Variants in ARK2C observed in about 807,000 individuals in gnomAD.
ARK2C encodes the protein E3 ubiquitin-protein ligase ARK2C.
the ARK2C span, among the ~76,000 whole-genome samples, chr18:46,397,420 G>C: frequency 1.4e-5 from 2 of 145,886 alleles, no homozygotes; most frequent in Admixed American, 6.8e-5. Flanking sequence ...TGTGCATGTG[G>C]TGTGTGTGTG....
At chr18:46,458,594 C>T in the ARK2C span, 34,861 of 152,472 alleles carry the variant, frequency 0.23, 5,017 homozygotes, top group East Asian at 0.75. Flanking sequence ...AAGTAACAGG[C>T]GGGCAGATTT....
chr18:46,345,732 A>G, the ARK2C span, among the ~76,000 whole-genome samples: 1 of 152,230 alleles, frequency 6.6e-6, no homozygotes, highest in Non-Finnish European at 1.5e-5. Flanking sequence ...TCTATTTGCA[A>G]ATTTTACATA....
the ARK2C span, among the ~76,000 whole-genome samples, chr18:46,378,752 G>A: frequency 3.3e-5 from 5 of 152,324 alleles, no homozygotes; most frequent in East Asian, 3.9e-4. Flanking sequence ...GGGTGCAAGA[G>A]GGTGGGGCTT....
the ARK2C span, chr18:46,457,998 C>A: frequency 6.5e-6 from 1 of 152,704 alleles, no homozygotes; most frequent in Non-Finnish European, 1.5e-5. Context: ...TCTTTGATAA[C>A]CTTGGGCAAG....
the ARK2C span, among the ~76,000 whole-genome samples, chr18:46,419,964 C>A: frequency 6.6e-6 from 1 of 152,130 alleles, no homozygotes; most frequent in Non-Finnish European, 1.5e-5. Context: ...CTCATGCACA[C>A]CTCCCCTCCC....
the ARK2C span, among the ~76,000 whole-genome samples, chr18:46,377,046 C>G: frequency 6.6e-6 from 1 of 152,046 alleles, no homozygotes. Flanking sequence ...TGGTCAGGCA[C>G]CTAGGAGGAG....
At chr18:46,337,709 A>AT in the ARK2C span, 1 of 718,304 alleles carries the variant, frequency 1.4e-6, no homozygotes, top group Non-Finnish European at 1.7e-6. Flanking sequence ...TGCTGTTTAG[A>AT]TTTTCCCCCC....
the ARK2C span, among the ~76,000 whole-genome samples, chr18:46,368,055 A>G: frequency 0.026 from 3,969 of 152,306 alleles, 67 homozygotes; most frequent in East Asian, 0.047. Context: ...ACCATGGATT[A>G]GAATCTTGGG....
chr18:46,398,509 C>G, the ARK2C span, among the ~76,000 whole-genome samples: 2 of 151,998 alleles, frequency 1.3e-5, no homozygotes, highest in Non-Finnish European at 2.9e-5. Flanking sequence ...AATTGGCCAG[C>G]AAATCTGGAC....
the ARK2C span, among the ~76,000 whole-genome samples, chr18:46,438,194 G>C: frequency 6.6e-6 from 1 of 152,240 alleles, no homozygotes; most frequent in Non-Finnish European, 1.5e-5. Context: ...TAGGTCTGTG[G>C]GATATTCCTG....
chr18:46,433,600 C>A, the ARK2C span: 5 of 1,120,454 alleles, frequency 4.5e-6, no homozygotes, highest in Admixed American at 2.8e-5. Flanking sequence ...GGGCGTGGCC[C>A]GGGTGTGGCG....
the ARK2C span, among the ~76,000 whole-genome samples, chr18:46,396,428 C>A: frequency 2.6e-5 from 4 of 152,214 alleles, no homozygotes; most frequent in African/African-American, 9.6e-5. Flanking sequence ...CCTGCCCAGA[C>A]ACAGAGCAGG....
the ARK2C span, among the ~76,000 whole-genome samples, chr18:46,374,695 TC>T: frequency 1.3e-5 from 2 of 152,070 alleles, no homozygotes; most frequent in South Asian, 4.1e-4. Flanking sequence ...CCCCATCTTT[TC>T]CCCCTTCAAC....
At chr18:46,384,467 C>A in the ARK2C span, among the ~76,000 whole-genome samples, 1 of 152,128 alleles carries the variant, frequency 6.6e-6, no homozygotes, top group Non-Finnish European at 1.5e-5. Context: ...TATCTGGTGG[C>A]GACTTTCTTT....
chr18:46,458,285 G>C, the ARK2C span: 2 of 152,584 alleles, frequency 1.3e-5, no homozygotes, highest in African/African-American at 4.8e-5. Context: ...AATGGAGATG[G>C]GAAAATCCAC....
At chr18:46,366,058 C>A in the ARK2C span, among the ~76,000 whole-genome samples, 3 of 151,942 alleles carry the variant, frequency 2.0e-5, no homozygotes, top group Non-Finnish European at 4.4e-5. Flanking sequence ...TTTGGGAGGC[C>A]AAGGAGGGCG....
At chr18:46,363,286 A>G in the ARK2C span, among the ~76,000 whole-genome samples, 41 of 152,136 alleles carry the variant, frequency 2.7e-4, no homozygotes, top group African/African-American at 9.4e-4. Flanking sequence ...TTCTTCTACC[A>G]CCTTTGGCTG....
the ARK2C span, among the ~76,000 whole-genome samples, chr18:46,354,913 C>T: frequency 6.6e-6 from 1 of 152,040 alleles, no homozygotes; most frequent in Non-Finnish European, 1.5e-5. Context: ...ACCTAGATTT[C>T]TTTTTCACCA....
At chr18:46,351,909 G>C in the ARK2C span, among the ~76,000 whole-genome samples, 2 of 152,210 alleles carry the variant, frequency 1.3e-5, no homozygotes, top group Non-Finnish European at 2.9e-5. Context: ...CCAAGAATGT[G>C]AGGTGATAAA....
Sources: allele counts gnomAD v4.1 joint callset (sites outside exome capture counted in the v4.1 genomes callset), GRCh38; gene constraint gnomAD v4.1.1; transcripts MANE v1.5; gene names NCBI Gene and HGNC (gene_info 2026-07-23, HGNC 2026-07-21).